THSD7B: variants seen among roughly 807,000 people sequenced by gnomAD.
THSD7B encodes thrombospondin type-1 domain-containing protein 7B.
A neutral mutation model predicts 213.6 loss-of-function variants in THSD7B; 138 were observed. The observed-to-expected ratio is 0.65, with a 90% confidence interval of 0.56 to 0.74. The LOEUF (loss-of-function observed/expected upper bound fraction) is 0.74. Among genes scored for constraint, THSD7B ranks in the 30% least tolerant of loss-of-function variants. The pLI is 0.00. For missense variants in THSD7B, 1,931 were observed against 1,991.5 expected, an observed-to-expected ratio of 0.97 and a Z score of 0.58; for synonymous variants, 742 against 687.0, an observed-to-expected ratio of 1.08 and a Z score of -1.25.
chr2:137,397,454 G>T (rs1686222634), intron 12 of THSD7B, among the ~76,000 whole-genome samples: 2 of 151,892 alleles, frequency 1.3e-5, no homozygotes, highest in Non-Finnish European at 2.9e-5. Context: ...GAAATTCTGG[G>T]TTGAAAATTC....
intron 2 of THSD7B, among the ~76,000 whole-genome samples, chr2:136,896,244 AT>A (rs1287530762): frequency 2.6e-5 from 4 of 151,972 alleles, no homozygotes; most frequent in Non-Finnish European, 5.9e-5. Context: ...AATATTTGAT[AT>A]TGTCTTTTTG....
intron 15 of THSD7B, among the ~76,000 whole-genome samples, chr2:137,552,996 C>T (rs1421107490): frequency 1.3e-5 from 2 of 151,902 alleles, no homozygotes; most frequent in Non-Finnish European, 2.9e-5. Context: ...CAAAATTGGA[C>T]AGCTTATGGA....
rs1683724707 is a variant in THSD7B, at chr2:137,677,277, C to T, written c.*672C>T. 6.6e-6 allele frequency: 1 copy of T among 152,548 alleles called. No homozygotes were observed. Among genetic ancestry groups the T allele is most frequent in the Non-Finnish European group, 1.5e-5 (1 of 68,042 alleles). The allele number at this position is 152,548 out of a possible 1,614,324, so 9.4% of individuals were successfully genotyped here. A position where few individuals can be genotyped will look rare whatever the true frequency, so the allele number is the denominator to read the frequency against. ...GGACTAGATGAAAGCTAGGTCATTT[C>T]TGAAGGGAATGTGTACTGAATGTTA... On this transcript the variant is annotated 3_prime_UTR_variant, in exon 28 of 28. Transcript: ENST00000409968.
chr2:137,473,845 C>T (rs914593603), intron 15 of THSD7B, among the ~76,000 whole-genome samples: 2 of 152,136 alleles, frequency 1.3e-5, no homozygotes, highest in African/African-American at 4.8e-5. Context: ...CTCAAGTGCT[C>T]CTCAGGCATT....
intron 5 of THSD7B, among the ~76,000 whole-genome samples, chr2:137,142,613 A>G (rs1251962899): frequency 6.6e-6 from 1 of 152,104 alleles, no homozygotes; most frequent in African/African-American, 2.4e-5. Flanking sequence ...AATTGTATAT[A>G]AGCCATAATA....
intron 3 of THSD7B, among the ~76,000 whole-genome samples, chr2:137,074,773 C>A (rs1369925787): frequency 6.6e-6 from 1 of 152,146 alleles, no homozygotes; most frequent in African/African-American, 2.4e-5. Context: ...TCTTTTAGGG[C>A]AGGCCTGGTG....
intron 16 of THSD7B, among the ~76,000 whole-genome samples, chr2:137,572,182 T>A (rs1681367497): frequency 6.6e-6 from 1 of 152,192 alleles, no homozygotes; most frequent in South Asian, 2.1e-4. Context: ...TTGCCTCTAG[T>A]CTTTCCATTG....
At chr2:137,402,724 G>A (rs892807669) in intron 12 of THSD7B, among the ~76,000 whole-genome samples, 8 of 148,566 alleles carry the variant, frequency 5.4e-5, no homozygotes, top group Admixed American at 1.4e-4. Context: ...GCTGAGGCAT[G>A]AGAATTGCAT....
chr2:137,093,672 C>T (rs1397551355), intron 3 of THSD7B, among the ~76,000 whole-genome samples: 3 of 152,148 alleles, frequency 2.0e-5, no homozygotes, highest in Non-Finnish European at 4.4e-5. Flanking sequence ...TCTGCCTTAC[C>T]GGGGGTTCAT....
rs74486916 is a variant in THSD7B at position 137,379,324 on chromosome 2, C to T, written c.2501-26289C>T. ...TAATTGGGCTCCTGCAGCCACGCAGCTTTGCATATGGTACTTACGAGTCAA... is the reference window on the plus strand; with the variant it reads ...TAATTGGGCTCCTGCAGCCACGCAGTTTTGCATATGGTACTTACGAGTCAA... On this transcript the variant is annotated intron_variant, in intron 12 of 27. Transcript: ENST00000409968. Among the ~76,000 whole-genome samples, 417 of 152,310 alleles carry T rather than the reference C, an allele frequency of 2.7e-3. 11 individuals are homozygous for T. In the East Asian group the frequency reaches 0.06, roughly 22 times the overall value.
chr2:137,089,291 T>TGTATGTGTGTGTATATGTATATATAC (rs1687903558), intron 3 of THSD7B, among the ~76,000 whole-genome samples: 1 of 124,102 alleles, frequency 8.1e-6, no homozygotes, highest in African/African-American at 4.3e-5. Flanking sequence ...TATATATACA[T>TGTATGTGTGTGTATATGTATATATAC]ATATATGTGT....
intron 12 of THSD7B, among the ~76,000 whole-genome samples, chr2:137,404,622 A>G (rs1454743429): frequency 1.3e-5 from 2 of 150,654 alleles, no homozygotes; most frequent in African/African-American, 4.9e-5. Context: ...ATGATCATAT[A>G]TATGATCGTA....
chr2:137,069,816 T>A (rs924922709), intron 3 of THSD7B, among the ~76,000 whole-genome samples: 33 of 151,298 alleles, frequency 2.2e-4, no homozygotes, highest in Non-Finnish European at 4.1e-4. Context: ...TGTATATATT[T>A]ATATGATTTC....
intron 12 of THSD7B, among the ~76,000 whole-genome samples, chr2:137,332,551 T>A (rs1417973336): frequency 1.3e-5 from 2 of 152,204 alleles, no homozygotes; most frequent in Non-Finnish European, 2.9e-5. Flanking sequence ...TTTGGGGGAC[T>A]GTTGGAAAGG....
At chr2:137,058,170 G>GC (rs1558903125) in intron 3 of THSD7B, among the ~76,000 whole-genome samples, 1 of 150,912 alleles carries the variant, frequency 6.6e-6, no homozygotes, top group East Asian at 1.9e-4. Flanking sequence ...TGTGATGATT[G>GC]TTTTTTTTTC....
At chr2:137,392,239 T>C (rs1686047106) in intron 12 of THSD7B, among the ~76,000 whole-genome samples, 1 of 152,222 alleles carries the variant, frequency 6.6e-6, no homozygotes, top group Non-Finnish European at 1.5e-5. Flanking sequence ...TTAGGTAGAA[T>C]GTTCTGTAAA....
At chr2:136,911,980 G>T (rs527656822) in intron 2 of THSD7B, among the ~76,000 whole-genome samples, 1 of 152,232 alleles carries the variant, frequency 6.6e-6, no homozygotes, top group African/African-American at 2.4e-5. Flanking sequence ...CTGATGGATT[G>T]ATGGGCTGTT....
At chr2:137,085,474 A>G (rs1470763871) in intron 3 of THSD7B, among the ~76,000 whole-genome samples, 2 of 152,182 alleles carry the variant, frequency 1.3e-5, no homozygotes, top group Non-Finnish European at 2.9e-5. Flanking sequence ...AGTTATGAGA[A>G]CAAGATAATA....
intron 2 of THSD7B, among the ~76,000 whole-genome samples, chr2:136,921,682 T>C (rs941853810): frequency 1.3e-5 from 2 of 152,214 alleles, no homozygotes; most frequent in Non-Finnish European, 2.9e-5. Flanking sequence ...TCTTTAATTA[T>C]AGAATCAATT....
Sources: allele counts gnomAD v4.1 joint callset (sites outside exome capture counted in the v4.1 genomes callset), GRCh38; gene constraint gnomAD v4.1.1; transcripts MANE v1.5; gene names NCBI Gene and HGNC (gene_info 2026-07-23, HGNC 2026-07-21).